The following LMX1A variants were observed in gnomAD, a reference collection of about 807,000 sequenced individuals.
LMX1A encodes the protein LIM homeobox transcription factor 1 alpha, also known as LIM homeobox transcription factor 1-alpha.
In LMX1A, 15 loss-of-function variants were observed where a neutral mutation model predicts 49.1. The observed-to-expected ratio is 0.31, with a 90% CI of 0.20 to 0.47. The LOEUF is 0.47. LMX1A is among the 20% of genes least tolerant of loss of function. The pLI, the probability that LMX1A is intolerant of heterozygous loss-of-function variation, is 1.00. For synonymous variants in LMX1A, 167 were observed against 185.7 expected, an observed-to-expected ratio of 0.90 and a Z score of 0.82; for missense variants, 372 against 475.8, an observed-to-expected ratio of 0.78 and a Z score of 2.03.
chr1:165,309,209 C>T lies in LMX1A; in HGVS notation c.263+43867G>A, dbSNP rs184443089. Among the ~76,000 whole-genome samples, 93 of 152,110 alleles carry T rather than the reference C, an allele frequency of 6.1e-4. 1 individual carries two copies. In the East Asian group the frequency reaches 0.013, roughly 22 times the overall value. ...GATGCTGAGCGAAGAGCTTGCTGCA[C>T]GCTCCCCACCCCCAGCCCTTGGCAC... On this transcript the variant is annotated intron_variant, in intron 3 of 8. Transcript: ENST00000342310.
chr1:165,336,294 CTT>C (rs978817834), intron 3 of LMX1A, among the ~76,000 whole-genome samples: 3 of 152,078 alleles, frequency 2.0e-5, no homozygotes, highest in Non-Finnish European at 4.4e-5. Context: ...ATTAAAAGTA[CTT>C]AATACTTTTC....
At chr1:165,252,418 CT>C (rs1653094565) in intron 3 of LMX1A, among the ~76,000 whole-genome samples, 1 of 152,014 alleles carries the variant, frequency 6.6e-6, no homozygotes, top group African/African-American at 2.4e-5. Flanking sequence ...TTTCTTTTTT[CT>C]TTTTAAAATT....
chr1:165,272,133 T>C (rs1653814056), intron 3 of LMX1A, among the ~76,000 whole-genome samples: 2 of 152,050 alleles, frequency 1.3e-5, no homozygotes, highest in African/African-American at 2.4e-5. Context: ...CCCCAGCTAA[T>C]TCATCTAGGA....
At chr1:165,322,348 T>C (rs566587429) in intron 3 of LMX1A, among the ~76,000 whole-genome samples, 2 of 152,192 alleles carry the variant, frequency 1.3e-5, no homozygotes, top group African/African-American at 4.8e-5. Context: ...GAACTGAAAA[T>C]AGGTGTTCAA....
intron 5 of LMX1A, chr1:165,211,401 A>C (rs545977369): frequency 6.6e-6 from 1 of 152,376 alleles, no homozygotes; most frequent in South Asian, 2.1e-4. Flanking sequence ...ACTGGGATCC[A>C]GATAATAAAG....
chr1:165,264,069 A>G (rs1238516104), intron 3 of LMX1A, among the ~76,000 whole-genome samples: 3 of 152,184 alleles, frequency 2.0e-5, no homozygotes, highest in Non-Finnish European at 2.9e-5. Context: ...TCAACAATCC[A>G]GGATGAGTCT....
At chr1:165,354,824 T>C (rs1656551610) in intron 2 of LMX1A, among the ~76,000 whole-genome samples, 1 of 152,222 alleles carries the variant, frequency 6.6e-6, no homozygotes, top group South Asian at 2.1e-4. Flanking sequence ...CCAGAATCTC[T>C]GGCTTCAGCT....
rs61551654 is a variant in LMX1A at position 165,266,595 on chromosome 1, C to CTTTTTTTTTTTTT, written c.264-16968_264-16956dup. Among the ~76,000 whole-genome samples the CTTTTTTTTTTTTT allele has an allele frequency of 1.5e-3, 115 of 79,182 alleles. 1 individual carries two copies. The highest frequency in any genetic ancestry group is 1.8e-3 in the Non-Finnish European group (80 of 45,400). 51.9% of individuals were successfully genotyped at this position (79,182 alleles called of 152,430 possible). A position where few individuals can be genotyped will look rare whatever the true frequency, so the allele number is the denominator to read the frequency against. On this transcript the variant is annotated intron_variant, in intron 3 of 8. Transcript: ENST00000342310. The stretch of plus-strand genomic sequence containing the variant: ...CTAATTTTCTTTCTCTTCTTTCTTT[C>CTTTTTTTTTTTTT]TTTTTTTTTTTTTTTTTTTTTTTTG...
chr1:165,239,730 A>C (rs1557859835), intron 4 of LMX1A, among the ~76,000 whole-genome samples: 1 of 152,228 alleles, frequency 6.6e-6, no homozygotes, highest in African/African-American at 2.4e-5. Flanking sequence ...CCTTTGTACT[A>C]GTCATGATAT....
chr1:165,274,476 T>C (rs558064669), intron 3 of LMX1A, among the ~76,000 whole-genome samples: 1 of 152,292 alleles, frequency 6.6e-6, no homozygotes, highest in Admixed American at 6.5e-5. Context: ...TGAACTAATT[T>C]GGGGTTTCGG....
intron 3 of LMX1A, among the ~76,000 whole-genome samples, chr1:165,275,095 T>C (rs1653924398): frequency 6.6e-6 from 1 of 152,192 alleles, no homozygotes; most frequent in East Asian, 1.9e-4. Flanking sequence ...GCTCTGGAGT[T>C]AATGATGAAA....
At chr1:165,305,707 T>C (rs1237355534) in intron 3 of LMX1A, among the ~76,000 whole-genome samples, 1 of 152,194 alleles carries the variant, frequency 6.6e-6, no homozygotes. Context: ...ACTGGCAGTA[T>C]CCAACTTGAA....
intron 3 of LMX1A, among the ~76,000 whole-genome samples, chr1:165,287,351 G>A (rs1654329282): frequency 6.6e-6 from 1 of 152,142 alleles, no homozygotes; most frequent in Admixed American, 6.5e-5. Flanking sequence ...TTCCTGATAG[G>A]TAAATTGGAG....
chr1:165,233,421 C>CTCTA (rs1652307486), intron 4 of LMX1A, among the ~76,000 whole-genome samples: 1 of 152,190 alleles, frequency 6.6e-6, no homozygotes, highest in Middle Eastern at 3.2e-3. Context: ...TGCCACTGCA[C>CTCTA]TCTAGCCTGG....
rs922399448 is a variant in LMX1A, at chr1:165,202,400, C to T, written c.*1480G>A. On this transcript the variant is annotated 3_prime_UTR_variant, in exon 9 of 9. Transcript: ENST00000342310. ...AGAGGAGTGAGTTGGAAGGAAGAGC[C>T]AAGGGTTTCCACTGGAACCTTCTGC... 6.6e-6 allele frequency: 1 copy of T among 152,514 alleles called. No individual in the cohort carries two copies. Among genetic ancestry groups the T allele is most frequent in the Non-Finnish European group, 1.5e-5 (1 of 68,036 alleles). 9.4% of individuals were successfully genotyped at this position (152,514 alleles called of 1,614,324 possible).
At chr1:165,213,607 C>G (rs1466185690) in intron 5 of LMX1A, 34 bp downstream of exon 5, 1 of 1,590,776 alleles carries the variant, frequency 6.3e-7, no homozygotes, top group Non-Finnish European at 8.6e-7. Flanking sequence ...AGAAGTGGGG[C>G]CCAGCTCCTT....
chr1:165,216,631 T>C lies in LMX1A; in HGVS notation c.497-2818A>G, dbSNP rs111708753. ...TTATCTCCAGAAACCTCATCCCTCA[T>C]ACCAGTCTGTTCAATAAAACAGTAC... On this transcript the variant is annotated intron_variant, in intron 4 of 8. Transcript: ENST00000342310. 9.1e-3 allele frequency among the ~76,000 whole-genome samples: 1,389 copies of C among 152,306 alleles called. 13 individuals are homozygous for C. The highest frequency in any genetic ancestry group is 0.031 in the African/African-American group (1,291 of 41,562).
At position 165,247,054 on chromosome 1, in the gene LMX1A, CTTTTTTTTT is replaced by C. The variant is rs71097567; in HGVS notation, c.496+2345_496+2353del. ...GTTACTTAGATCAGATCAGCTTTTT[CTTTTTTTTT>C]TTTTTTTTTTTTTTTTTGCAGGGTT... On this transcript the variant is annotated intron_variant, in intron 4 of 8. Transcript: ENST00000342310. Among the ~76,000 whole-genome samples the C allele has an allele frequency of 4.9e-4, 26 of 53,232 alleles. 1 individual carries two copies. Among genetic ancestry groups the C allele is most frequent in the Admixed American group, 9.9e-4 (3 of 3,028 alleles). The allele number at this position is 53,232 out of a possible 152,430, so 34.9% of individuals were successfully genotyped here.
chr1:165,266,254 T>C (rs1653614718), intron 3 of LMX1A, among the ~76,000 whole-genome samples: 1 of 152,170 alleles, frequency 6.6e-6, no homozygotes, highest in African/African-American at 2.4e-5. Context: ...TAACTGACGT[T>C]AGAGCAAACA....
Sources: allele counts gnomAD v4.1 joint callset (sites outside exome capture counted in the v4.1 genomes callset), GRCh38; gene constraint gnomAD v4.1.1; transcripts MANE v1.5; gene names NCBI Gene and HGNC (gene_info 2026-07-23, HGNC 2026-07-21).